The following STAT2 variants were observed in gnomAD, a reference collection of about 807,000 sequenced individuals.
The protein encoded by STAT2 is signal transducer and activator of transcription 2.
Under a neutral mutation model 122.3 loss-of-function variants are expected in STAT2, and 51 were observed. The observed-to-expected ratio is 0.42, with a 90% CI of 0.33 to 0.53. STAT2 has a LOEUF of 0.53. Ranked by LOEUF, STAT2 falls within the 20% of genes least tolerant of loss-of-function variation. The probability of loss-of-function intolerance (pLI) is 0.10; values close to 1 mark genes in which losing one functional copy is unlikely to be tolerated. For missense variants in STAT2, 736 were observed against 1,010.3 expected, an observed-to-expected ratio of 0.73 and a Z score of 3.68; for synonymous variants, 351 against 394.9, an observed-to-expected ratio of 0.89 and a Z score of 1.32.
rs1257456212 is a variant in STAT2, at chr12:56,348,543, A to G, written c.1710T>C (p.Asp570=). The G allele has an allele frequency of 6.2e-7, 1 of 1,614,076 alleles. No homozygotes were observed. The highest frequency in any genetic ancestry group is 8.5e-7 in the Non-Finnish European group (1 of 1,180,014). The part of the protein sequence containing the change: ...ILELVHDHLK[D]LWNDGRIMGF... Reference sequence around the variant, plus strand: ...CAAGGCCTTACCCATCATTCCAGAGATCCTTCAGGTGGTCATGTACCAACT... The same window carrying G: ...CAAGGCCTTACCCATCATTCCAGAGGTCCTTCAGGTGGTCATGTACCAACT... Residue 570 remains aspartate, a synonymous_variant, in exon 19 of 24, where the codon GAT becomes GAC. Transcript: ENST00000314128.
chr12:56,354,539 C>A lies in STAT2; in HGVS notation c.709G>T (p.Glu237Ter). Reference protein sequence around the residue: ...LIELLLPKLEEWKAQQQKACI... With the variant: ...LIELLLPKLE Reference sequence around the variant, plus strand: ...GCTTTTTGCTGCTGGGCCTTCCACTCCTCCAACTTTGGCAGCAGTAGCTCG... The same window carrying A: ...GCTTTTTGCTGCTGGGCCTTCCACTACTCCAACTTTGGCAGCAGTAGCTCG... Residue 237 changes from glutamate to a stop codon, truncating the protein, a stop_gained, in exon 8 of 24, where the codon GAG (glutamate) becomes TAG (stop). Transcript: ENST00000314128. LOFTEE classifies it high-confidence loss of function. 1 of 1,614,198 alleles carries A rather than the reference C, an allele frequency of 6.2e-7. No homozygotes were observed. The highest frequency in any genetic ancestry group is 2.2e-5 in the East Asian group (1 of 44,876).
At chr12:56,347,430 A>G (rs1877666511) in intron 19 of STAT2, among the ~76,000 whole-genome samples, 1 of 152,090 alleles carries the variant, frequency 6.6e-6, no homozygotes, top group Non-Finnish European at 1.5e-5. Flanking sequence ...GGCTCAAGTG[A>G]TCTGTACTCC....
At chr12:56,349,737 C>T in intron 13 of STAT2, 101 bp from the exon 14 acceptor site, 1 of 1,475,192 alleles carries the variant, frequency 6.8e-7, no homozygotes, top group African/African-American at 1.4e-5. Flanking sequence ...GGGAACTTCC[C>T]CCAACCCCTG....
At position 56,350,425 on chromosome 12, in the gene STAT2, G is replaced by C. The variant is rs757072598; in HGVS notation, c.1102C>G (p.Pro368Ala). ...TVEVSIDRNPPQLQGFRKFNI... is the reference protein window; with the variant it reads ...TVEVSIDRNPAQLQGFRKFNI... ...TCAAGCACCTACCCTTGTAATTGAG[G>C]AGGATTCCTGAAAAGAAATAAATTT... The change falls in exon 12 of 24, where the codon CCT becomes GCT. Residue 368 changes from proline (P) to alanine (A), a missense_variant. Physicochemically the swap from Pro to Ala is conservative, Grantham distance 27 (BLOSUM62 -1). Coordinates refer to ENST00000314128, the MANE Select transcript of STAT2 (RefSeq NM_005419.4). The C allele has an allele frequency of 5.2e-5, 84 of 1,606,422 alleles. No individual in the cohort carries two copies. The highest frequency in any genetic ancestry group is 6.7e-5 in the Non-Finnish European group (79 of 1,177,568).
intron 13 of STAT2, 101 bp downstream of exon 13, chr12:56,349,996 C>G: frequency 9.2e-7 from 1 of 1,087,704 alleles, no homozygotes; most frequent in Non-Finnish European, 1.4e-6. Context: ...TTGCTGTGAG[C>G]CAAGATGGCA....
At position 56,348,776 on chromosome 12, in the gene STAT2, T is replaced by C. The variant is rs1877954036; in HGVS notation, c.1605A>G (p.Leu535=). The change falls in exon 18 of 24, where the codon TTA becomes TTG. Residue 535 remains leucine, a synonymous_variant. Coordinates refer to ENST00000314128, the MANE Select transcript of STAT2 (RefSeq NM_005419.4). ...CCTTAGTGAAGTCAGCCCAGGACAATAATGGATCCTCAGTCCTACAGTTCT... is the reference window on the plus strand; with the variant it reads ...CCTTAGTGAAGTCAGCCCAGGACAACAATGGATCCTCAGTCCTACAGTTCT... ...FGQNCRTEDP[L]LSWADFTKRE... is the part of the protein sequence containing the mutation. 1 of 1,613,894 alleles carries C rather than the reference T, an allele frequency of 6.2e-7. No homozygotes were observed. Among genetic ancestry groups the C allele is most frequent in the Non-Finnish European group, 8.5e-7 (1 of 1,180,004 alleles).
At chr12:56,346,059 C>G (rs1301099052) in intron 22 of STAT2, 87 bp downstream of exon 22, 4 of 1,608,276 alleles carry the variant, frequency 2.5e-6, no homozygotes, top group South Asian at 1.1e-5. Context: ...GTGCTCCACC[C>G]AGGAGAAGGT....
Position 56,349,514 on chromosome 12 carries a change from G to A in STAT2, c.1258-5C>T, listed in dbSNP as rs1403049167. The stretch of plus-strand genomic sequence containing the variant: ...CTCTGTCACACCTAGTGGCCCCTGG[G>A]ACAGCCAAAGACATAGTCATCAGAA... On this transcript the variant is annotated splice_region_variant and splice_polypyrimidine_tract_variant and intron_variant, in intron 14 of 23. Coordinates refer to ENST00000314128, the MANE Select transcript of STAT2 (RefSeq NM_005419.4). 1 of 1,614,058 alleles carries A rather than the reference G, an allele frequency of 6.2e-7. No homozygotes were observed. Among genetic ancestry groups the A allele is most frequent in the Non-Finnish European group, 8.5e-7 (1 of 1,180,042 alleles).
chr12:56,356,971 T>C (rs1450475153), intron 1 of STAT2, among the ~76,000 whole-genome samples: 1 of 150,280 alleles, frequency 6.7e-6, no homozygotes, highest in African/African-American at 2.4e-5. Flanking sequence ...TCAAAGGAAA[T>C]GCTCACTGGA....
chr12:56,347,811 A>C (rs1178926338), intron 19 of STAT2, among the ~76,000 whole-genome samples: 1 of 152,128 alleles, frequency 6.6e-6, no homozygotes, highest in Non-Finnish European at 1.5e-5. Context: ...CATGAATAGC[A>C]CTTTTAAAAG....
intron 8 of STAT2, among the ~76,000 whole-genome samples, 164 bp from the exon 9 acceptor site, chr12:56,351,614 A>C (rs1878498276): frequency 6.6e-6 from 1 of 152,226 alleles, no homozygotes. Flanking sequence ...ATGATTCATA[A>C]TCCAAGAAAT....
rs1344514047 is a variant in STAT2, at chr12:56,343,817, T to C, written c.2413+8A>G. The C allele has an allele frequency of 6.2e-7, 1 of 1,613,648 alleles. No individual in the cohort carries two copies. Among genetic ancestry groups the C allele is most frequent in the Non-Finnish European group, 8.5e-7 (1 of 1,179,504 alleles). ...TGCCATCTTCCATAGCTCCATCTCATCACTTACTTTCCATTGGCTCAGTGT... is the reference window on the plus strand; with the variant it reads ...TGCCATCTTCCATAGCTCCATCTCACCACTTACTTTCCATTGGCTCAGTGT... On this transcript the variant is annotated splice_region_variant and intron_variant, in intron 23 of 23. Transcript: ENST00000314128.
rs1258502384 is a variant in STAT2 at position 56,356,448 on chromosome 12, G to C, written c.124C>G (p.Gln42Glu). ...RQYLAVWIEDQNWQEAALGSD... is the reference protein window; with the variant it reads ...RQYLAVWIEDENWQEAALGSD... ...ACTTCCTGAAGGCCTCACCAGTTCTGGTCTTCAATCCAGACAGCCAAGTAC... is the reference window on the plus strand; with the variant it reads ...ACTTCCTGAAGGCCTCACCAGTTCTCGTCTTCAATCCAGACAGCCAAGTAC... The change falls in exon 2 of 24, where the codon CAG becomes GAG. Residue 42 changes from glutamine to glutamate, a missense_variant. Transcript: ENST00000314128. 1.2e-6 allele frequency: 2 copies of C among 1,613,950 alleles called. No homozygotes were observed.
At chr12:56,354,399 T>A in intron 8 of STAT2, 67 bp downstream of exon 8, 1 of 1,607,648 alleles carries the variant, frequency 6.2e-7, no homozygotes, top group Admixed American at 1.7e-5. Context: ...TCTTGCTATA[T>A]GCAGGGCACT....
At chr12:56,344,178 C>A in intron 22 of STAT2, 43 bp from the exon 23 acceptor site, 2 of 1,521,304 alleles carry the variant, frequency 1.3e-6, no homozygotes, top group South Asian at 2.5e-5. Context: ...CTCAGTGGTT[C>A]AAATGAAATC....
rs780376145 is a variant in STAT2 at position 56,346,940 on chromosome 12, A to G, written c.1740T>C (p.Phe580=). The change falls in exon 20 of 24, where the codon TTT becomes TTC. Residue 580 remains phenylalanine (F), a synonymous_variant. Transcript: ENST00000314128. ...DLWNDGRIMG[F]VSRSQERRLL... ...GCCGGCGCTCCTGGCTCCGACTCAC[A>G]AAGCCCATGATGCGTCTGGAGCACA... The G allele has an allele frequency of 5.0e-6, 8 of 1,614,150 alleles. No homozygotes were observed. The highest frequency in any genetic ancestry group is 6.8e-6 in the Non-Finnish European group (8 of 1,180,020).
At chr12:56,345,754 C>T (rs559154906) in intron 22 of STAT2, among the ~76,000 whole-genome samples, 1 of 150,536 alleles carries the variant, frequency 6.6e-6, no homozygotes, top group South Asian at 2.1e-4. Context: ...CACCACTGCA[C>T]TCCAGCCTGG....
intron 22 of STAT2, 86 bp downstream of exon 22, chr12:56,346,060 A>C: frequency 6.2e-7 from 1 of 1,608,994 alleles, no homozygotes; most frequent in Non-Finnish European, 8.5e-7. Flanking sequence ...TGCTCCACCC[A>C]GGAGAAGGTA....
In STAT2 at chr12:56,349,281, C is replaced by T; in HGVS notation, c.1342-20G>A. Reference sequence around the variant, plus strand: ...GTCCGTCTGGGGAGAAGACAGGAGTCACAGAGAGGGATGTGATGTTTCTAG... The same window carrying T: ...GTCCGTCTGGGGAGAAGACAGGAGTTACAGAGAGGGATGTGATGTTTCTAG... On this transcript the variant is annotated intron_variant, in intron 15 of 23. Transcript: ENST00000314128. 6.2e-7 allele frequency: 1 copy of T among 1,614,092 alleles called. No homozygotes were observed. Among genetic ancestry groups the T allele is most frequent in the Non-Finnish European group, 8.5e-7 (1 of 1,180,002 alleles).
Sources: allele counts gnomAD v4.1 joint callset (sites outside exome capture counted in the v4.1 genomes callset), GRCh38; gene constraint gnomAD v4.1.1; transcripts MANE v1.5; gene names NCBI Gene and HGNC (gene_info 2026-07-23, HGNC 2026-07-21).